CLOCK: variants seen among roughly 807,000 people sequenced by gnomAD.
CLOCK encodes clock circadian regulator.
A neutral mutation model predicts 118.4 loss-of-function variants in CLOCK; 43 were observed. The ratio of observed to expected loss-of-function variants is 0.36; its 90% confidence interval spans 0.28 to 0.47. The LOEUF (loss-of-function observed/expected upper bound fraction) is 0.47. Among genes scored for constraint, CLOCK ranks in the 20% least tolerant of loss-of-function variants. The pLI is 1.00. For synonymous variants in CLOCK, 326 were observed against 339.2 expected (o/e 0.96, Z 0.43); for missense variants, 846 against 999.9 (o/e 0.85, Z 2.08).
Position 55,438,425 on chromosome 4 carries a change from T to C in CLOCK, c.2218A>G (p.Thr740Ala). Residue 740 changes from threonine (T) to alanine (A), a missense_variant, in exon 22 of 23, where the codon ACT (threonine) becomes GCT (alanine). By Grantham distance (58) the Thr-to-Ala change is moderately conservative (BLOSUM62 0). Around this residue, in one of 4 missense-constraint regions of CLOCK, gnomAD observed 520 missense variants for 558.0 expected, o/e 0.93. Transcript: ENST00000513440. ...GACTGTTGCTGTTGTGTAGCAAAAGTAGGATATGCAGTCACCACCTGGCCC... is the reference window on the plus strand; with the variant it reads ...GACTGTTGCTGTTGTGTAGCAAAAGCAGGATATGCAGTCACCACCTGGCCC... ...LMGQVVTAYP[T>A]FATQQQQSQT... 1 of 1,613,812 alleles carries C rather than the reference T, an allele frequency of 6.2e-7. No homozygotes were observed. Among genetic ancestry groups the C allele is most frequent in the Non-Finnish European group, 8.5e-7 (1 of 1,179,978 alleles).
chr4:55,448,596 G>GCGCGCA (rs1553891200), intron 18 of CLOCK, among the ~76,000 whole-genome samples, 183 bp downstream of exon 18: 1 of 108,718 alleles, frequency 9.2e-6, no homozygotes, highest in Admixed American at 9.5e-5. Context: ...GCGCGCGCAC[G>GCGCGCA]CGCGCGTGTG....
intron 2 of CLOCK, among the ~76,000 whole-genome samples, chr4:55,499,323 C>T (rs1450824734): frequency 2.6e-5 from 4 of 152,210 alleles, no homozygotes; most frequent in Non-Finnish European, 5.9e-5. Flanking sequence ...CAGTCCTCAA[C>T]CTTTTTGGCA....
At chr4:55,546,707 G>T (rs116135676) in intron 1 of CLOCK, 75 bp downstream of exon 1, 33,775 of 143,376 alleles carry the variant, frequency 0.24, 4,400 homozygotes, top group South Asian at 0.37. Context: ...CACCAGCCCA[G>T]GAGCGCGCAT....
chr4:55,538,130 A>C (rs1165587791), intron 1 of CLOCK, among the ~76,000 whole-genome samples: 1 of 152,228 alleles, frequency 6.6e-6, no homozygotes, highest in Non-Finnish European at 1.5e-5. Context: ...TATTAGACTC[A>C]TTACACTTTC....
intron 8 of CLOCK, among the ~76,000 whole-genome samples, chr4:55,465,938 T>G (rs1214729102): frequency 7.0e-6 from 1 of 143,692 alleles, no homozygotes; most frequent in Admixed American, 7.2e-5. Flanking sequence ...GGTGACAGAA[T>G]AAGACTCTGT....
At chr4:55,544,405 G>A (rs190940600) in intron 1 of CLOCK, among the ~76,000 whole-genome samples, 44 of 152,082 alleles carry the variant, frequency 2.9e-4, no homozygotes, top group African/African-American at 9.9e-4. Context: ...AGAGGAGGGG[G>A]AAACACAAAC....
At chr4:55,497,637 T>G (rs1477275289) in intron 2 of CLOCK, among the ~76,000 whole-genome samples, 1 of 152,220 alleles carries the variant, frequency 6.6e-6, no homozygotes, top group Non-Finnish European at 1.5e-5. Context: ...TAACCTTTCA[T>G]ATTTCTTAAA....
intron 22 of CLOCK, among the ~76,000 whole-genome samples, chr4:55,438,048 A>G (rs1233707099): frequency 6.6e-6 from 1 of 152,226 alleles, no homozygotes; most frequent in Non-Finnish European, 1.5e-5. Context: ...CACTCTGTCC[A>G]GCAGTTCTGA....
At chr4:55,493,122 T>C (rs1157905464) in intron 2 of CLOCK, among the ~76,000 whole-genome samples, 1 of 152,150 alleles carries the variant, frequency 6.6e-6, no homozygotes, top group Non-Finnish European at 1.5e-5. Flanking sequence ...GAGGCCTAGC[T>C]ATACATGAGG....
At position 55,429,729 on chromosome 4, in the gene CLOCK, A is replaced by T. The variant is rs1363084364; in HGVS notation, c.*5686T>A. On this transcript the variant is annotated 3_prime_UTR_variant, in exon 23 of 23. Coordinates refer to ENST00000513440, the MANE Select transcript of CLOCK (RefSeq NM_004898.4). ...GGCCTTTGACTGTGTTGGGGAAGTAATCACACAAAAAGTGCCCATAAAACA... is the reference window on the plus strand; with the variant it reads ...GGCCTTTGACTGTGTTGGGGAAGTATTCACACAAAAAGTGCCCATAAAACA... 1 of 152,224 alleles carries T rather than the reference A, an allele frequency of 6.6e-6. No individual in the cohort carries two copies. Among genetic ancestry groups the T allele is most frequent in the Non-Finnish European group, 1.5e-5 (1 of 68,046 alleles). 9.4% of individuals were successfully genotyped at this position (152,224 alleles called of 1,614,324 possible).
chr4:55,490,988 T>C (rs1169222350), intron 2 of CLOCK, among the ~76,000 whole-genome samples: 2 of 152,100 alleles, frequency 1.3e-5, no homozygotes, highest in Non-Finnish European at 2.9e-5. Flanking sequence ...ATACTAAATA[T>C]CTTCTCTGAT....
chr4:55,499,494 G>A (rs570047542), intron 2 of CLOCK, among the ~76,000 whole-genome samples: 4 of 152,280 alleles, frequency 2.6e-5, no homozygotes, highest in African/African-American at 9.6e-5. Flanking sequence ...TTCTCATAAG[G>A]AGCATACAAC....
At chr4:55,545,270 A>T (rs1341954700) in intron 1 of CLOCK, among the ~76,000 whole-genome samples, 1 of 152,136 alleles carries the variant, frequency 6.6e-6, no homozygotes, top group Non-Finnish European at 1.5e-5. Context: ...TCCTTCCCCC[A>T]AGCTTTGAAA....
intron 8 of CLOCK, among the ~76,000 whole-genome samples, chr4:55,469,277 T>C (rs943003767): frequency 2.6e-5 from 4 of 152,130 alleles, no homozygotes; most frequent in Admixed American, 6.6e-5. Context: ...GTATTTTTAG[T>C]AGACACAGGG....
chr4:55,480,936 G>A (rs979666701), intron 4 of CLOCK, among the ~76,000 whole-genome samples: 1 of 151,594 alleles, frequency 6.6e-6, no homozygotes, highest in Non-Finnish European at 1.5e-5. Flanking sequence ...AAGGGGTGAT[G>A]TTTTAGTAAC....
At chr4:55,448,908 T>C (rs1368129118) in intron 17 of CLOCK, 40 bp from the exon 18 acceptor site, 1 of 1,415,106 alleles carries the variant, frequency 7.1e-7, no homozygotes, top group Non-Finnish European at 1.0e-6. Flanking sequence ...TGATTCTCAT[T>C]CCCATACATG....
At chr4:55,473,429 T>C (rs1726281360) in intron 7 of CLOCK, among the ~76,000 whole-genome samples, 2 of 143,834 alleles carry the variant, frequency 1.4e-5, no homozygotes, top group South Asian at 2.1e-4. Flanking sequence ...TAAATGTTTA[T>C]AATATATTTA....
At chr4:55,493,012 A>G (rs1308788540) in intron 2 of CLOCK, among the ~76,000 whole-genome samples, 2 of 152,126 alleles carry the variant, frequency 1.3e-5, no homozygotes, top group Admixed American at 6.5e-5. Flanking sequence ...TTCTTTCTTT[A>G]GTACTTTCTA....
In CLOCK at chr4:55,517,466, C is replaced by T. The variant is rs199745670; in HGVS notation, c.-289-7401G>A. 2.3e-4 allele frequency among the ~76,000 whole-genome samples: 35 copies of T among 152,074 alleles called. No individual in the cohort carries two copies. In the East Asian group the frequency reaches 2.3e-3, roughly 10 times the overall value. On this transcript the variant is annotated intron_variant, in intron 1 of 22. Transcript: ENST00000513440. ...CAGAGGTTGCAGTGAGCCGAGATCA[C>T]GCCACTGCACTCCAGCCCGGGCAAC...
Sources: allele counts gnomAD v4.1 joint callset (sites outside exome capture counted in the v4.1 genomes callset), GRCh38; gene constraint gnomAD v4.1.1; regional missense constraint gnomAD v4.1.1; transcripts MANE v1.5; gene names NCBI Gene and HGNC (gene_info 2026-07-23, HGNC 2026-07-21).